Variants in RAB11FIP4 observed in about 807,000 individuals in gnomAD.
RAB11FIP4 encodes the protein rab11 family-interacting protein 4.
RAB11FIP4 carries 23 observed loss-of-function variants against 74.3 expected under a neutral mutation model. That is an observed-to-expected ratio of 0.31 (90% CI 0.22 to 0.44). RAB11FIP4 has a LOEUF of 0.44. RAB11FIP4 is among the 20% of genes least tolerant of loss of function. The pLI, the probability that RAB11FIP4 is intolerant of heterozygous loss-of-function variation, is 1.00. For missense variants in RAB11FIP4, 630 were observed against 863.9 expected, an observed-to-expected ratio of 0.73 and a Z score of 3.39; for synonymous variants, 360 against 359.9, an observed-to-expected ratio of 1.00 and a Z score of 0.00.
Position 31,480,766 on chromosome 17 carries a change from G to A in RAB11FIP4, c.337-36885G>A, listed in dbSNP as rs945006495. On this transcript the variant is annotated intron_variant, in intron 3 of 14. Coordinates refer to ENST00000621161, the MANE Select transcript of RAB11FIP4 (RefSeq NM_032932.6). Reference sequence around the variant, plus strand: ...TCACGCCACTGCACTCCAGCCTGGCGACAGAGCCAGACTCCAGACTCCGTC... The same window carrying A: ...TCACGCCACTGCACTCCAGCCTGGCAACAGAGCCAGACTCCAGACTCCGTC... Among the ~76,000 whole-genome samples the A allele has an allele frequency of 2.3e-5, 3 of 128,580 alleles. No homozygotes were observed. The East Asian group carries it at 6.9e-4, about 29-fold the overall frequency. 84.4% of individuals were successfully genotyped at this position (128,580 alleles called of 152,430 possible).
intron 3 of RAB11FIP4, among the ~76,000 whole-genome samples, chr17:31,435,857 G>T (rs1415005594): frequency 2.6e-5 from 4 of 152,266 alleles, no homozygotes; most frequent in African/African-American, 9.6e-5. Context: ...TCAGGCTGCT[G>T]TGCTCAAAGC....
At chr17:31,433,925 G>A in intron 2 of RAB11FIP4, 109 bp from the exon 3 acceptor site, 1 of 1,076,410 alleles carries the variant, frequency 9.3e-7, no homozygotes, top group Admixed American at 2.0e-5. Context: ...GGAGCCTCGG[G>A]CCCCCACCTC....
chr17:31,457,972 G>C (rs2071595349), intron 3 of RAB11FIP4, among the ~76,000 whole-genome samples: 1 of 152,170 alleles, frequency 6.6e-6, no homozygotes, highest in Non-Finnish European at 1.5e-5. Context: ...GCAGGAGCCA[G>C]ACAAAAGGCC....
rs1486980724 is a variant in RAB11FIP4 at position 31,530,445 on chromosome 17, G to A, written c.1773G>A (p.Glu591=). ...AQTKAQSLAA[E]IDTASRDELM... The stretch of plus-strand genomic sequence containing the variant: ...CTAAAGCCCAGTCTCTGGCTGCGGA[G>A]ATAGACACCGCCTCGCGCGATGAGG... Residue 591 remains glutamate, a synonymous_variant, in exon 14 of 15, where the codon GAG becomes GAA. Transcript: ENST00000621161. 1 of 1,613,856 alleles carries A rather than the reference G, an allele frequency of 6.2e-7. No individual in the cohort carries two copies. Among genetic ancestry groups the A allele is most frequent in the African/African-American group, 1.3e-5 (1 of 74,944 alleles).
chr17:31,438,188 A>G (rs2071377424), intron 3 of RAB11FIP4, among the ~76,000 whole-genome samples: 2 of 151,980 alleles, frequency 1.3e-5, no homozygotes, highest in Admixed American at 6.6e-5. Context: ...CATATGCTAT[A>G]GGGGCCCCCG....
chr17:31,424,569 C>A (rs2071228670), intron 1 of RAB11FIP4, among the ~76,000 whole-genome samples: 1 of 140,966 alleles, frequency 7.1e-6, no homozygotes, highest in Non-Finnish European at 1.5e-5. Context: ...ACCACCACAC[C>A]CAGCTAATTT....
Position 31,432,356 on chromosome 17 carries a change from C to CTT in RAB11FIP4, c.247+472_247+473dup, listed in dbSNP as rs749879395. ...TGTGTCCTCCCTGCTCCCGCCTCCT[C>CTT]TTTTTTTTTTTTTTTTTGAGACAGG... On this transcript the variant is annotated intron_variant, in intron 2 of 14. Coordinates refer to ENST00000621161, the MANE Select transcript of RAB11FIP4 (RefSeq NM_032932.6). 3.3e-3 allele frequency among the ~76,000 whole-genome samples: 454 copies of CTT among 139,516 alleles called. 3 individuals carry two copies. Among genetic ancestry groups the CTT allele is most frequent in the Middle Eastern group, 0.015 (4 of 264 alleles). 91.5% of individuals were successfully genotyped at this position (139,516 alleles called of 152,430 possible).
intron 3 of RAB11FIP4, among the ~76,000 whole-genome samples, chr17:31,436,908 C>T (rs1351991849): frequency 3.3e-5 from 5 of 151,894 alleles, no homozygotes; most frequent in Non-Finnish European, 7.4e-5. Flanking sequence ...CTGCCTCAGC[C>T]TCCTGAGTAG....
At chr17:31,449,643 G>A (rs150481123) in intron 3 of RAB11FIP4, among the ~76,000 whole-genome samples, 45 of 152,306 alleles carry the variant, frequency 3.0e-4, no homozygotes, top group Non-Finnish European at 5.1e-4. Context: ...CTGGGTTCAA[G>A]CAATCCTCCC....
chr17:31,429,515 G>A (rs1311292555), intron 1 of RAB11FIP4, among the ~76,000 whole-genome samples: 1 of 152,192 alleles, frequency 6.6e-6, no homozygotes, highest in African/African-American at 2.4e-5. Context: ...ACAACTTTCT[G>A]TGGAAATCCT....
Position 31,531,733 on chromosome 17 carries a change from G to A in RAB11FIP4, c.*1G>A, listed in dbSNP as rs2072874937. The A allele has an allele frequency of 1.2e-6, 2 of 1,601,156 alleles. No homozygotes were observed. Among genetic ancestry groups the A allele is most frequent in the South Asian group, 1.1e-5 (1 of 90,868 alleles). ...CTCCATCCTCGAGATCAAACACTAA[G>A]GCACGGGGCTGGCTGCAGAGCAGCC... is the stretch of plus-strand genomic sequence containing the variant. On this transcript the variant is annotated 3_prime_UTR_variant, in exon 15 of 15. Coordinates refer to ENST00000621161, the MANE Select transcript of RAB11FIP4 (RefSeq NM_032932.6).
chr17:31,493,463 C>G (rs1371110212), intron 3 of RAB11FIP4, among the ~76,000 whole-genome samples: 1 of 151,824 alleles, frequency 6.6e-6, no homozygotes, highest in Non-Finnish European at 1.5e-5. Flanking sequence ...ATAGCTGCTG[C>G]TGCTCCGGTG....
chr17:31,412,281 C>A lies in RAB11FIP4; in HGVS notation c.160-19532C>A, dbSNP rs567054778. Among the ~76,000 whole-genome samples, 8 of 152,280 alleles carry A rather than the reference C, an allele frequency of 5.3e-5. 1 individual carries two copies. Among genetic ancestry groups the A allele is most frequent in the African/African-American group, 1.9e-4 (8 of 41,552 alleles). On this transcript the variant is annotated intron_variant, in intron 1 of 14. Coordinates refer to ENST00000621161, the MANE Select transcript of RAB11FIP4 (RefSeq NM_032932.6). The stretch of plus-strand genomic sequence containing the variant: ...TGTGCAAGGGAGAAAAGCTCTAGAT[C>A]CCCAGAGCAGGGGTCCCACCCGTGT...
intron 3 of RAB11FIP4, among the ~76,000 whole-genome samples, chr17:31,463,423 G>A (rs2071651798): frequency 6.6e-6 from 1 of 152,122 alleles, no homozygotes; most frequent in African/African-American, 2.4e-5. Flanking sequence ...AGTTAGTTGG[G>A]GTCGTTGAGG....
intron 3 of RAB11FIP4, among the ~76,000 whole-genome samples, chr17:31,467,628 T>C (rs2071698251): frequency 1.3e-5 from 2 of 152,052 alleles, no homozygotes; most frequent in African/African-American, 4.8e-5. Flanking sequence ...ACTCTCCACC[T>C]GGGGAGAGAG....
At chr17:31,439,798 T>C (rs1400502558) in intron 3 of RAB11FIP4, among the ~76,000 whole-genome samples, 1 of 152,038 alleles carries the variant, frequency 6.6e-6, no homozygotes. Context: ...TTTGTTTGTT[T>C]GTTTGTTTGT....
chr17:31,464,103 C>T (rs549770841), intron 3 of RAB11FIP4, among the ~76,000 whole-genome samples: 3 of 152,158 alleles, frequency 2.0e-5, no homozygotes, highest in Non-Finnish European at 2.9e-5. Context: ...CGTGAGCCGC[C>T]GGGCCCAGCC....
At chr17:31,505,578 TATAATA>T (rs376087824) in intron 3 of RAB11FIP4, among the ~76,000 whole-genome samples, 7 of 78,202 alleles carry the variant, frequency 9.0e-5, no homozygotes, top group African/African-American at 3.2e-4. Context: ...TATAATAATA[TATAATA>T]ATAATTATAT....
chr17:31,521,492 C>G, intron 5 of RAB11FIP4, 132 bp downstream of exon 5: 1 of 820,524 alleles, frequency 1.2e-6, no homozygotes, highest in Non-Finnish European at 1.9e-6. Flanking sequence ...GAGTTCTGCT[C>G]CTGGGGCTTG....
Sources: gnomAD v4.1 joint callset for allele counts (sites outside exome capture counted in the v4.1 genomes callset) on GRCh38, gnomAD v4.1.1 for gene constraint, MANE v1.5 for transcripts, NCBI Gene and HGNC (gene_info 2026-07-23, HGNC 2026-07-21) for gene names.